The following NOSIP variants were observed in gnomAD, a reference collection of about 807,000 sequenced individuals.
NOSIP encodes nitric oxide synthase-interacting protein.
A neutral mutation model predicts 36.4 loss-of-function variants in NOSIP; 25 were observed. The observed-to-expected ratio is 0.69, with a 90% CI of 0.50 to 0.96. NOSIP has a LOEUF of 0.96. NOSIP is among the 40% of genes least tolerant of loss of function. NOSIP has a pLI of 0.00. For missense variants in NOSIP, 370 were observed against 429.0 expected (o/e 0.86, Z 1.21); for synonymous variants, 187 against 179.2 (o/e 1.04, Z -0.35).
In NOSIP at chr19:49,560,284, T is replaced by C; in HGVS notation, c.71-245A>G. The C allele has an allele frequency of 1.7e-6, 1 of 577,814 alleles. No individual in the cohort carries two copies. Among genetic ancestry groups the C allele is most frequent in the Non-Finnish European group, 3.1e-6 (1 of 323,406 alleles). 35.8% of individuals were successfully genotyped at this position (577,814 alleles called of 1,614,324 possible). A position where few individuals can be genotyped will look rare whatever the true frequency, so the allele number is the denominator to read the frequency against. On this transcript the variant is annotated intron_variant, in intron 2 of 8. Coordinates refer to ENST00000596358, the MANE Select transcript of NOSIP (RefSeq NM_001270960.2). The surrounding 1 kb of genome is among the most constrained non-coding windows in gnomAD (Gnocchi z 4.6). ...CTGAGTGGCAGCTTGGTGGAGGGGC[T>C]GACGGCTGACTCCCCTCCACCCTTC...
chr19:49,575,526 T>G (rs891345461), intron 1 of NOSIP, among the ~76,000 whole-genome samples: 2 of 152,200 alleles, frequency 1.3e-5, no homozygotes. Context: ...CGACCAGCTC[T>G]GAAGTAATCA....
intron 1 of NOSIP, among the ~76,000 whole-genome samples, chr19:49,574,547 G>C (rs1268997875): frequency 6.6e-6 from 1 of 152,144 alleles, no homozygotes; most frequent in South Asian, 2.1e-4. Flanking sequence ...GTCTGCTCCA[G>C]CTGCCATAAC....
intron 1 of NOSIP, among the ~76,000 whole-genome samples, chr19:49,570,464 C>G (rs1341870139): frequency 6.6e-6 from 1 of 152,146 alleles, no homozygotes; most frequent in East Asian, 1.9e-4. Flanking sequence ...TGGATGCGAT[C>G]TGACAAATGT....
intron 1 of NOSIP, among the ~76,000 whole-genome samples, chr19:49,574,931 CG>C (rs1186275885): frequency 4.7e-5 from 7 of 149,876 alleles, no homozygotes; most frequent in Non-Finnish European, 7.4e-5. Context: ...GGCGTGATCT[CG>C]GCTCACTGCA....
intron 1 of NOSIP, among the ~76,000 whole-genome samples, chr19:49,568,795 A>AATTTTT (rs2080443811): frequency 1.6e-5 from 2 of 123,306 alleles, no homozygotes; most frequent in African/African-American, 7.5e-5. Flanking sequence ...AAAAAAAAAA[A>AATTTTT]TAGTTTGTTT....
rs906979562 is a variant in NOSIP, at chr19:49,557,169, G to T, written c.339C>A (p.Gly113=). 5.0e-6 allele frequency: 8 copies of T among 1,611,538 alleles called. No homozygotes were observed. The highest frequency in any genetic ancestry group is 6.8e-6 in the Non-Finnish European group (8 of 1,179,252). ...QRAASQDHVR[G]FLEKESAIVS... ...CGATAGCCGACTCCTTCTCCAGGAA[G>T]CCCCGCACATGGTCCTGCGAGGCCG... Residue 113 remains glycine, a synonymous_variant, in exon 5 of 9, where the codon GGC becomes GGA. Coordinates refer to ENST00000596358, the MANE Select transcript of NOSIP (RefSeq NM_001270960.2).
Position 49,566,220 on chromosome 19 carries a change from C to G in NOSIP, c.-1-5528G>C, listed in dbSNP as rs188763601. 3.9e-5 allele frequency among the ~76,000 whole-genome samples: 6 copies of G among 152,200 alleles called. No homozygotes were observed. The East Asian group carries it at 1.2e-3, about 29-fold the overall frequency. ...ATTTTTTAGTGAAAACGGGGTTTCA[C>G]CGTGTTAGCCAGGATGGTCTCGATC... On this transcript the variant is annotated intron_variant, in intron 1 of 8. Transcript: ENST00000596358.
At chr19:49,577,539 CAAAAAAAGAA>C (rs1004994212) in intron 1 of NOSIP, among the ~76,000 whole-genome samples, 37 of 146,162 alleles carry the variant, frequency 2.5e-4, no homozygotes, top group African/African-American at 9.1e-4. Flanking sequence ...GACTCTGTCT[CAAAAAAAGAA>C]AAAAAAAGAA....
intron 1 of NOSIP, among the ~76,000 whole-genome samples, chr19:49,569,350 C>T (rs2080454742): frequency 6.6e-6 from 1 of 150,492 alleles, no homozygotes; most frequent in Non-Finnish European, 1.5e-5. Context: ...CCTGCCACCA[C>T]ACCCAGCTAA....
chr19:49,556,677 G>A lies in NOSIP; in HGVS notation c.597C>T (p.Pro199=), dbSNP rs780658210. The A allele has an allele frequency of 2.4e-5, 38 of 1,611,470 alleles. No individual in the cohort carries two copies. The highest frequency in any genetic ancestry group is 1.6e-4 in the East Asian group (7 of 44,792). The part of the protein sequence containing the change: ...GKPLRMSDLT[P]VHFTPLDSSV... ...AGCTGTCTAGCGGTGTGAAGTGCAC[G>A]GGCGTCAGGTCCGACATGCGCAGGG... Residue 199 remains proline, a synonymous_variant, in exon 7 of 9, where the codon CCC becomes CCT. Transcript: ENST00000596358.
chr19:49,571,899 C>A (rs546847506), intron 1 of NOSIP, among the ~76,000 whole-genome samples: 2 of 146,008 alleles, frequency 1.4e-5, no homozygotes, highest in Non-Finnish European at 3.0e-5. Context: ...GCAGAAGAAT[C>A]GCTTGAACCC....
At chr19:49,557,935 G>C in intron 4 of NOSIP, 1 of 987,112 alleles carries the variant, frequency 1.0e-6, no homozygotes, top group Non-Finnish European at 1.2e-6. Flanking sequence ...CATGGGCACA[G>C]GGGGAGCCAC....
chr19:49,572,167 G>A (rs2080493726), intron 1 of NOSIP, among the ~76,000 whole-genome samples: 1 of 149,788 alleles, frequency 6.7e-6, no homozygotes, highest in African/African-American at 2.5e-5. Flanking sequence ...GTGCAGTGGT[G>A]TGATCTCGGC....
rs1420868952 is a variant in NOSIP, at chr19:49,569,229, C to T, written c.-1-8537G>A. ...TTTTTTTTTTTTTGAGACGTTATCT[C>T]GCTCTTTCACCCAGGCTGGAGCGCA... On this transcript the variant is annotated intron_variant, in intron 1 of 8. Transcript: ENST00000596358. Among the ~76,000 whole-genome samples the T allele has an allele frequency of 5.0e-5, 7 of 141,044 alleles. No individual in the cohort carries two copies. The East Asian group carries it at 1.3e-3, about 26-fold the overall frequency. The allele number at this position is 141,044 out of a possible 152,430, so 92.5% of individuals were successfully genotyped here. A position where few individuals can be genotyped will look rare whatever the true frequency, so the allele number is the denominator to read the frequency against.
chr19:49,570,904 C>G (rs1395273736), intron 1 of NOSIP, among the ~76,000 whole-genome samples: 1 of 152,138 alleles, frequency 6.6e-6, no homozygotes, highest in Non-Finnish European at 1.5e-5. Flanking sequence ...ACTGAGGTTT[C>G]TACATAGATG....
At position 49,564,150 on chromosome 19, in the gene NOSIP, C is replaced by A. The variant is rs879408742; in HGVS notation, c.-1-3458G>T. On this transcript the variant is annotated intron_variant, in intron 1 of 8. Transcript: ENST00000596358. ...GAAACTAATATAGTCACCAGGGAAA[C>A]GCACATTAAAACTTCACTGAAGGCC... is the stretch of plus-strand genomic sequence containing the variant. Among the ~76,000 whole-genome samples, 57 of 151,968 alleles carry A rather than the reference C, an allele frequency of 3.8e-4. 1 individual carries two copies. Among genetic ancestry groups the A allele is most frequent in the Non-Finnish European group, 1.3e-4 (9 of 67,984 alleles).
rs958045159 is a variant in NOSIP, at chr19:49,555,742, C to T, written c.*9G>A. The stretch of plus-strand genomic sequence containing the variant: ...ACCCAAGCCGGTTTATTTGGTCTCC[C>T]GCACACACTCAGGCCTGCATCACCG... On this transcript the variant is annotated 3_prime_UTR_variant, in exon 9 of 9. Transcript: ENST00000596358. 1.4e-5 allele frequency: 22 copies of T among 1,612,342 alleles called. No individual in the cohort carries two copies. The highest frequency in any genetic ancestry group is 2.2e-5 in the East Asian group (1 of 44,826).
chr19:49,562,883 AAAAG>A (rs1244755524), intron 1 of NOSIP, among the ~76,000 whole-genome samples: 3 of 152,138 alleles, frequency 2.0e-5, no homozygotes, highest in Non-Finnish European at 2.9e-5. Context: ...TGTCAAAAGA[AAAAG>A]AAGAGAAGAG....
chr19:49,556,337 C>T lies in NOSIP; in HGVS notation c.814G>A (p.Asp272Asn), dbSNP rs2080244977. ...PVTGDKLTDR[D>N]IIVLQRGGTG... ...CTTACCCGCTGCAGCACGATGATGT[C>T]GCGGTCTGTGAGTTTGTCTCCAGTC... Residue 272 changes from aspartate (D) to asparagine (N), a missense_variant, in exon 8 of 9, where the codon GAC (aspartate) becomes AAC (asparagine). This residue lies in a region of NOSIP where 315 missense variants were observed against 331.9 expected (regional missense o/e 0.95). Transcript: ENST00000596358. 1 of 1,612,900 alleles carries T rather than the reference C, an allele frequency of 6.2e-7. No individual in the cohort carries two copies. Among genetic ancestry groups the T allele is most frequent in the Non-Finnish European group, 8.5e-7 (1 of 1,179,490 alleles).
Sources: gnomAD v4.1 joint callset for allele counts (sites outside exome capture counted in the v4.1 genomes callset) on GRCh38, gnomAD v4.1.1 for gene constraint, gnomAD v4.1.1 regional missense constraint, Gnocchi (gnomAD v3.1) non-coding constraint, MANE v1.5 for transcripts, NCBI Gene and HGNC (gene_info 2026-07-23, HGNC 2026-07-21) for gene names.